FLNA: variants seen among roughly 807,000 people sequenced by gnomAD.
FLNA encodes the protein filamin-A.
In FLNA, 7 loss-of-function variants were observed where a neutral mutation model predicts 157.6. The observed-to-expected ratio is 0.04, with a 90% confidence interval of 0.03 to 0.08. The LOEUF is 0.08. Among genes scored for constraint, FLNA ranks in the 10% least tolerant of loss-of-function variants. The pLI is 1.00. For synonymous variants in FLNA, 1,103 were observed against 1,060.8 expected, an observed-to-expected ratio of 1.04 and a Z score of -0.77; for missense variants, 1,750 against 2,398.4, an observed-to-expected ratio of 0.73 and a Z score of 5.65.
In FLNA at chrX:154,352,457, G is replaced by A; in HGVS notation, c.6503-10C>T. ...TCCTGGATGCTAATTTCTGCAGGGT[G>A]GGGATGGGCTAGTGAGCAGCAGCCC... On this transcript the variant is annotated splice_polypyrimidine_tract_variant and intron_variant, in intron 40 of 47. Coordinates refer to ENST00000369850, the MANE Select transcript of FLNA (RefSeq NM_001110556.2). 15 of 1,211,573 alleles carry A rather than the reference G, an allele frequency of 1.2e-5. No individual in the cohort carries two copies. The highest frequency in any genetic ancestry group is 1.7e-5 in the Non-Finnish European group (15 of 895,370).
Position 154,359,561 on chromosome X carries a change from G to A in FLNA, c.4065C>T (p.Pro1355=), listed in dbSNP as rs2067688538. 1.7e-6 allele frequency: 2 copies of A among 1,209,566 alleles called. No individual in the cohort carries two copies. Among genetic ancestry groups the A allele is most frequent in the Non-Finnish European group, 2.2e-6 (2 of 895,077 alleles). The part of the protein sequence containing the change: ...FQVPVTEGCD[P]SRVRVHGPGI... Reference sequence around the variant, plus strand: ...CTGGCCCGTGGACACGCACCCGGGAGGGGTCGCAGCCCTCGGTCACGGGCA... The same window carrying A: ...CTGGCCCGTGGACACGCACCCGGGAAGGGTCGCAGCCCTCGGTCACGGGCA... Residue 1355 remains proline, a synonymous_variant, in exon 24 of 48, where the codon CCC becomes CCT. Transcript: ENST00000369850.
chrX:154,361,763 A>G lies in FLNA; in HGVS notation c.2851T>C (p.Tyr951His). Residue 951 changes from tyrosine (Y) to histidine (H), a missense_variant, in exon 20 of 48, where the codon TAT becomes CAT. Transcript: ENST00000369850. The stretch of plus-strand genomic sequence containing the variant: ...CTCTTAGGGATGGGATCCCCTCCAT[A>G]AGTGACATTGACGCCTACTGGACCC... ...QQGPVGVNVT[Y>H]GGDPIPKSPF... 8.3e-7 allele frequency: 1 copy of G among 1,207,148 alleles called. No individual in the cohort carries two copies. Among genetic ancestry groups the G allele is most frequent in the Non-Finnish European group, 1.1e-6 (1 of 892,274 alleles).
chrX:154,350,208 C>A lies in FLNA; in HGVS notation c.7157-1G>T. On this transcript the variant is annotated splice_acceptor_variant, in intron 44 of 47. Coordinates refer to ENST00000369850, the MANE Select transcript of FLNA (RefSeq NM_001110556.2). LOFTEE classifies it high-confidence loss of function. ...GGGATGAAGCGCACAGCATACTTAT[C>A]TGAGGAGCAGGGAGTCATGCTGTGG... 1 of 1,211,258 alleles carries A rather than the reference C, an allele frequency of 8.3e-7. No individual in the cohort carries two copies. The highest frequency in any genetic ancestry group is 1.1e-6 in the Non-Finnish European group (1 of 894,985).
chrX:154,357,421 CGGGCG>C lies in FLNA; in HGVS notation c.4945+8_4945+12del, dbSNP rs2067671361. The C allele has an allele frequency of 8.3e-7, 1 of 1,203,412 alleles. No individual in the cohort carries two copies. Among genetic ancestry groups the C allele is most frequent in the Non-Finnish European group, 1.1e-6 (1 of 889,814 alleles). On this transcript the variant is annotated splice_region_variant and intron_variant, in intron 29 of 47. Coordinates refer to ENST00000369850, the MANE Select transcript of FLNA (RefSeq NM_001110556.2). Reference sequence around the variant, plus strand: ...TGCCGAGCGCCGCAGCGGCCAACAGCGGGCGGGCTCACCTGTGACAGTGCACTTGC... The same window carrying C: ...TGCCGAGCGCCGCAGCGGCCAACAGCGGCTCACCTGTGACAGTGCACTTGC...
chrX:154,371,349 A>G lies in FLNA; in HGVS notation c.-104T>C. On this transcript the variant is annotated 5_prime_UTR_variant, in exon 2 of 48. Transcript: ENST00000369850. ...TAGGCGCGCGGGAGGCGAGGCAGGGAGCAGAGGTTGCGCTGCGGAGAGAGC... is the reference window on the plus strand; with the variant it reads ...TAGGCGCGCGGGAGGCGAGGCAGGGGGCAGAGGTTGCGCTGCGGAGAGAGC... 1 of 1,016,117 alleles carries G rather than the reference A, an allele frequency of 9.8e-7. No homozygotes were observed. The highest frequency in any genetic ancestry group is 1.9e-5 in the African/African-American group (1 of 53,200). The allele number at this position is 1,016,117 out of a possible 1,213,427, so 83.7% of individuals were successfully genotyped here. A position where few individuals can be genotyped will look rare whatever the true frequency, so the allele number is the denominator to read the frequency against.
rs782003126 is a variant in FLNA, at chrX:154,354,236, T to G, written c.5472A>C (p.Lys1824Asn). 1.7e-6 allele frequency: 2 copies of G among 1,210,589 alleles called. No individual in the cohort carries two copies. Among genetic ancestry groups the G allele is most frequent in the African/African-American group, 3.5e-5 (2 of 57,589 alleles). The stretch of plus-strand genomic sequence containing the variant: ...CATACCGCACGGTCACGGTGCCGTC[T>G]TTGTTGTCAGTGATGGTGGGCTGCG... ...KVAQPTITDN[K>N]DGTVTVRYAP... Residue 1824 changes from lysine (K) to asparagine (N), a missense_variant, in exon 34 of 48, where the codon AAA (lysine) becomes AAC (asparagine). By Grantham distance (94) the Lys-to-Asn change is moderately conservative (BLOSUM62 0). Around this residue, in one of 5 missense-constraint regions of FLNA, gnomAD observed 970 missense variants for 1,302.6 expected, o/e 0.74. Transcript: ENST00000369850.
At position 154,361,745 on chromosome X, in the gene FLNA, G is replaced by A. The variant is rs1557178081; in HGVS notation, c.2869C>T (p.Pro957Ser). Residue 957 changes from proline (P) to serine (S), a missense_variant, in exon 20 of 48, where the codon CCT (proline) becomes TCT (serine). Around this residue, in one of 5 missense-constraint regions of FLNA, gnomAD observed 648 missense variants for 805.8 expected, o/e 0.80. Transcript: ENST00000369850. The part of the protein sequence containing the change: ...VNVTYGGDPI[P>S]KSPFSVAVSP... ...ACTGCCACTGAGAAAGGGCTCTTAG[G>A]GATGGGATCCCCTCCATAAGTGACA... 5 of 1,210,065 alleles carry A rather than the reference G, an allele frequency of 4.1e-6. No individual in the cohort carries two copies. The highest frequency in any genetic ancestry group is 4.3e-5 in the Admixed American group (2 of 46,026).
rs782505945 is a variant in FLNA at position 154,354,220 on chromosome X, C to T, written c.5488G>A (p.Val1830Met). ...ITDNKDGTVT[V>M]RYAPSEAGLH... Reference sequence around the variant, plus strand: ...CCAGCCTCGCTGGGTGCATACCGCACGGTCACGGTGCCGTCTTTGTTGTCA... The same window carrying T: ...CCAGCCTCGCTGGGTGCATACCGCATGGTCACGGTGCCGTCTTTGTTGTCA... The change falls in exon 34 of 48, where the codon GTG (valine) becomes ATG (methionine). Residue 1830 changes from valine to methionine, a missense_variant. By Grantham distance (21) the Val-to-Met change is conservative (BLOSUM62 1). Coordinates refer to ENST00000369850, the MANE Select transcript of FLNA (RefSeq NM_001110556.2). 6.6e-6 allele frequency: 8 copies of T among 1,211,655 alleles called. No homozygotes were observed. Among genetic ancestry groups the T allele is most frequent in the Non-Finnish European group, 8.9e-6 (8 of 895,508 alleles).
intron 34 of FLNA, 22 bp from the exon 35 acceptor site, chrX:154,354,065 T>C: frequency 8.3e-7 from 1 of 1,211,767 alleles, no homozygotes; most frequent in Middle Eastern, 2.3e-4. Context: ...AGAAGGGCCT[T>C]GTGGAATGGC....
At position 154,371,317 on chromosome X, in the gene FLNA, A is replaced by C; in HGVS notation, c.-72T>G. 8.8e-7 allele frequency: 1 copy of C among 1,138,074 alleles called. No individual in the cohort carries two copies. The highest frequency in any genetic ancestry group is 1.2e-6 in the Non-Finnish European group (1 of 853,199). 93.8% of individuals were successfully genotyped at this position (1,138,074 alleles called of 1,213,427 possible). On this transcript the variant is annotated 5_prime_UTR_variant, in exon 2 of 48. Transcript: ENST00000369850. Reference sequence around the variant, plus strand: ...GGGACGGCCCTTTAATTAAAGTCGCAGGCACCTAGGCGCGCGGGAGGCGAG... The same window carrying C: ...GGGACGGCCCTTTAATTAAAGTCGCCGGCACCTAGGCGCGCGGGAGGCGAG...
Position 154,362,020 on chromosome X carries a change from G to A in FLNA, c.2785C>T (p.His929Tyr). ...TACTTGACTGTGTAGGTGTTGTCAT[G>A]GTGGTCGATGATGTCCACATCTCGC... Reference protein sequence around the residue: ...AVRDVDIIDHHDNTYTVKYTP... With the variant: ...AVRDVDIIDHYDNTYTVKYTP... The change falls in exon 19 of 48, where the codon CAT (histidine) becomes TAT (tyrosine). Residue 929 changes from histidine (H) to tyrosine (Y), a missense_variant. Physicochemically the swap from His to Tyr is moderately conservative, Grantham distance 83. Transcript: ENST00000369850. The A allele has an allele frequency of 8.3e-7, 1 of 1,210,030 alleles. No homozygotes were observed. Among genetic ancestry groups the A allele is most frequent in the Non-Finnish European group, 1.1e-6 (1 of 894,644 alleles).
intron 1 of FLNA, 129 bp from the exon 2 acceptor site, chrX:154,371,490 G>T (rs1034806724): frequency 7.5e-6 from 3 of 400,174 alleles, no homozygotes; most frequent in African/African-American, 2.6e-5. Flanking sequence ...CCGTTGGAAT[G>T]CCCCCACTAG....
At chrX:154,356,875 TGG>T (rs2067667129) in intron 30 of FLNA, among the ~76,000 whole-genome samples, 1 of 112,151 alleles carries the variant, frequency 8.9e-6, no homozygotes, top group African/African-American at 3.2e-5. Flanking sequence ...CCCATTGAGT[TGG>T]GGAGACCCCT....
chrX:154,349,050 G>A lies in FLNA; in HGVS notation c.7757-14C>T. 1 of 1,195,798 alleles carries A rather than the reference G, an allele frequency of 8.4e-7. No homozygotes were observed. The highest frequency in any genetic ancestry group is 3.0e-5 in the East Asian group (1 of 33,085). On this transcript the variant is annotated splice_polypyrimidine_tract_variant and intron_variant, in intron 47 of 47. Coordinates refer to ENST00000369850, the MANE Select transcript of FLNA (RefSeq NM_001110556.2). ...GCATGTTGTTGCCTGAGGCAAGAGG[G>A]GTCCTCAGTCCCAGGTCCCAGCCCC...
In FLNA at chrX:154,349,420, C is replaced by T. The variant is rs1557175269; in HGVS notation, c.7698G>A (p.Gly2566=). The part of the protein sequence containing the change: ...DASKVVAKGL[G]LSKAYVGQKS... ...TCTGGCCTACGTAGGCCTTGCTCAGCCCCAGGCCCTTGGCCACCACCTTGC... is the reference window on the plus strand; with the variant it reads ...TCTGGCCTACGTAGGCCTTGCTCAGTCCCAGGCCCTTGGCCACCACCTTGC... Residue 2566 remains glycine (G), a synonymous_variant, in exon 47 of 48, where the codon GGG becomes GGA. Coordinates refer to ENST00000369850, the MANE Select transcript of FLNA (RefSeq NM_001110556.2). 8.3e-7 allele frequency: 1 copy of T among 1,212,030 alleles called. No homozygotes were observed.
In FLNA at chrX:154,354,882, G is replaced by A. The variant is rs782152127; in HGVS notation, c.5160C>T (p.Tyr1720=). ...IFYTAPQPGK[Y]VICVRFGGEH... Reference sequence around the variant, plus strand: ...CGCCACCAAAGCGCACACAGATGACGTATTTGCCCGGCTGGGGGGCCGTGT... The same window carrying A: ...CGCCACCAAAGCGCACACAGATGACATATTTGCCCGGCTGGGGGGCCGTGT... Residue 1720 remains tyrosine, a synonymous_variant, in exon 31 of 48, where the codon TAC becomes TAT. Transcript: ENST00000369850. 1.0e-4 allele frequency: 125 copies of A among 1,211,019 alleles called. No homozygotes were observed. In the South Asian group the frequency reaches 1.8e-3, roughly 17 times the overall value.
Position 154,359,841 on chromosome X carries a change from C to A in FLNA, c.3870G>T (p.Gly1290=). 1 of 1,210,839 alleles carries A rather than the reference C, an allele frequency of 8.3e-7. No homozygotes were observed. Among genetic ancestry groups the A allele is most frequent in the East Asian group, 3.0e-5 (1 of 33,862 alleles). Residue 1290 remains glycine, a synonymous_variant, in exon 23 of 48, where the codon GGG becomes GGT. Coordinates refer to ENST00000369850, the MANE Select transcript of FLNA (RefSeq NM_001110556.2). The stretch of plus-strand genomic sequence containing the variant: ...TGGCCACACGGGCCTTGACGTGCGG[C>A]CCTCCGGTCTGTGTCAGAGCCCGGG... ...VDARALTQTG[G]PHVKARVANP...
chrX:154,362,928 G>A, intron 15 of FLNA, 144 bp from the exon 16 acceptor site: 1 of 651,088 alleles, frequency 1.5e-6, no homozygotes, highest in Non-Finnish European at 2.3e-6. Flanking sequence ...CAGAGGGACT[G>A]TGTGATGCTC....
In FLNA at chrX:154,367,320, C is replaced by G. The variant is rs2067769889; in HGVS notation, c.868+77G>C. ...CCATGTAACCCAAGACCCCTGGGGACCGCCACGTTTAGATGGGACACTGTC... is the reference window on the plus strand; with the variant it reads ...CCATGTAACCCAAGACCCCTGGGGAGCGCCACGTTTAGATGGGACACTGTC... On this transcript the variant is annotated intron_variant, in intron 5 of 47. Coordinates refer to ENST00000369850, the MANE Select transcript of FLNA (RefSeq NM_001110556.2). 4.5e-6 allele frequency: 5 copies of G among 1,102,669 alleles called. No homozygotes were observed. In the African/African-American group the frequency reaches 9.1e-5, roughly 20 times the overall value. 90.9% of individuals were successfully genotyped at this position (1,102,669 alleles called of 1,213,427 possible).
Sources: allele counts gnomAD v4.1 joint callset (sites outside exome capture counted in the v4.1 genomes callset), GRCh38; gene constraint gnomAD v4.1.1; regional missense constraint gnomAD v4.1.1; transcripts MANE v1.5; gene names NCBI Gene and HGNC (gene_info 2026-07-23, HGNC 2026-07-21).